The following EPB41L3 variants were observed in gnomAD, a reference collection of about 807,000 sequenced individuals.
The protein encoded by EPB41L3 is erythrocyte membrane protein band 4.1 like 3.
In EPB41L3, 57 loss-of-function variants were observed where a neutral mutation model predicts 127.1. That is an observed-to-expected ratio of 0.45 (90% CI 0.36 to 0.56). The LOEUF (loss-of-function observed/expected upper bound fraction) is 0.56, where lower values mean the gene tolerates loss of function less well. Ranked by LOEUF, EPB41L3 falls within the 20% of genes least tolerant of loss-of-function variation. EPB41L3 has a pLI of 0.00. For synonymous variants in EPB41L3, 572 were observed against 549.5 expected, an observed-to-expected ratio of 1.04 and a Z score of -0.57; for missense variants, 1,273 against 1,372.2, an observed-to-expected ratio of 0.93 and a Z score of 1.14.
intron 8 of EPB41L3, among the ~76,000 whole-genome samples, chr18:5,432,800 C>T: frequency 6.6e-6 from 1 of 152,196 alleles, no homozygotes; most frequent in East Asian, 1.9e-4. Context: ...TTTCATCGAT[C>T]ACCAGTCAAC....
At chr18:5,409,550 G>A (rs1482005202) in intron 14 of EPB41L3, among the ~76,000 whole-genome samples, 1 of 151,952 alleles carries the variant, frequency 6.6e-6, no homozygotes, top group Admixed American at 6.6e-5. Flanking sequence ...TCAAGCTTTG[G>A]ATTGAACTCT....
At chr18:5,624,187 A>G (rs1268565631) in intron 1 of EPB41L3, among the ~76,000 whole-genome samples, 6 of 152,072 alleles carry the variant, frequency 3.9e-5, no homozygotes, top group Non-Finnish European at 7.4e-5. Context: ...TTTTTTGTGG[A>G]GACAACATCT....
intron 3 of EPB41L3, chr18:5,612,221 T>C (rs1323037760): frequency 1.3e-5 from 2 of 152,208 alleles, no homozygotes; most frequent in Non-Finnish European, 2.9e-5. Context: ...CTGCAATTTG[T>C]AATAGAATAA....
In EPB41L3 at chr18:5,441,320, T is replaced by C. The variant is rs903555579; in HGVS notation, c.529+2518A>G. 5.3e-5 allele frequency among the ~76,000 whole-genome samples: 8 copies of C among 152,330 alleles called. 1 individual carries two copies. Among genetic ancestry groups the C allele is most frequent in the Admixed American group, 4.6e-4 (7 of 15,306 alleles). On this transcript the variant is annotated intron_variant, in intron 5 of 22. Coordinates refer to ENST00000341928, the MANE Select transcript of EPB41L3 (RefSeq NM_012307.5). Reference sequence around the variant, plus strand: ...GAAACATCCTTTTATCATTTATATTTTGGAAGTGGAGATGATGGTACAATA... The same window carrying C: ...GAAACATCCTTTTATCATTTATATTCTGGAAGTGGAGATGATGGTACAATA...
chr18:5,511,468 G>A (rs534267271), intron 1 of EPB41L3, among the ~76,000 whole-genome samples: 31 of 138,136 alleles, frequency 2.2e-4, no homozygotes, highest in Admixed American at 3.0e-4. Flanking sequence ...TCAAAACTTG[G>A]GTTCTCCCTT....
rs543161492 is a variant in EPB41L3, at chr18:5,393,255, A to C, written c.*230T>G. On this transcript the variant is annotated 3_prime_UTR_variant, in exon 23 of 23. Coordinates refer to ENST00000341928, the MANE Select transcript of EPB41L3 (RefSeq NM_012307.5). The stretch of plus-strand genomic sequence containing the variant: ...AAAAATGCTGCTCTTTTGTAATTTT[A>C]TCGTTGCTTCATGCATTATCGGTTT... 4 of 427,220 alleles carry C rather than the reference A, an allele frequency of 9.4e-6. No homozygotes were observed. In the South Asian group the frequency reaches 2.9e-4, roughly 31 times the overall value. The allele number at this position is 427,220 out of a possible 1,614,324, so 26.5% of individuals were successfully genotyped here.
chr18:5,467,094 T>C (rs2085131074), intron 3 of EPB41L3, among the ~76,000 whole-genome samples: 1 of 152,244 alleles, frequency 6.6e-6, no homozygotes, highest in African/African-American at 2.4e-5. Context: ...TTTTCCACTT[T>C]AAGCTAGATG....
chr18:5,578,151 A>AT (rs1568600264), intron 3 of EPB41L3, among the ~76,000 whole-genome samples: 1 of 152,064 alleles, frequency 6.6e-6, no homozygotes, highest in South Asian at 2.1e-4. Context: ...AAAAAACAAC[A>AT]TTTTTTTGGT....
At chr18:5,413,517 A>G (rs1026004385) in intron 13 of EPB41L3, among the ~76,000 whole-genome samples, 2 of 152,216 alleles carry the variant, frequency 1.3e-5, no homozygotes, top group Non-Finnish European at 2.9e-5. Context: ...TGGCAAAACG[A>G]AAGTGACAAG....
chr18:5,399,496 A>C, intron 16 of EPB41L3: 1 of 397,672 alleles, frequency 2.5e-6, no homozygotes, highest in Non-Finnish European at 4.4e-6. Flanking sequence ...CTGTGATGGG[A>C]CCATACAGTG....
chr18:5,430,030 C>T (rs1355821258), intron 8 of EPB41L3, among the ~76,000 whole-genome samples: 1 of 152,148 alleles, frequency 6.6e-6, no homozygotes, highest in Admixed American at 6.5e-5. Context: ...GGAAGTGTAC[C>T]TTTAACCTAC....
intron 3 of EPB41L3, among the ~76,000 whole-genome samples, chr18:5,449,947 T>C (rs753502904): frequency 2.0e-5 from 3 of 152,182 alleles, no homozygotes; most frequent in Admixed American, 6.5e-5. Flanking sequence ...AAATATACTG[T>C]AATAAAAGTT....
intron 1 of EPB41L3, among the ~76,000 whole-genome samples, chr18:5,542,321 T>C (rs539939215): frequency 2.6e-5 from 4 of 152,140 alleles, no homozygotes; most frequent in Admixed American, 2.6e-4. Flanking sequence ...TTTTGTTTCC[T>C]TGAGACTTTA....
intron 3 of EPB41L3, among the ~76,000 whole-genome samples, chr18:5,549,450 T>C (rs1407827215): frequency 1.3e-5 from 2 of 152,210 alleles, no homozygotes; most frequent in African/African-American, 4.8e-5. Flanking sequence ...AGATGTTTAT[T>C]AGGGATTTGT....
chr18:5,406,987 G>A lies in EPB41L3; in HGVS notation c.2158-19C>T. On this transcript the variant is annotated intron_variant, in intron 15 of 22. Coordinates refer to ENST00000341928, the MANE Select transcript of EPB41L3 (RefSeq NM_012307.5). ...CTAGCTCCTATATTCAGAACATAAA[G>A]TATCCAACAGTCAATGTTTTACATT... The A allele has an allele frequency of 6.2e-7, 1 of 1,600,222 alleles. No individual in the cohort carries two copies. The highest frequency in any genetic ancestry group is 8.6e-7 in the Non-Finnish European group (1 of 1,167,488).
At chr18:5,411,316 G>C (rs181153448) in intron 13 of EPB41L3, among the ~76,000 whole-genome samples, 1 of 152,156 alleles carries the variant, frequency 6.6e-6, no homozygotes. Flanking sequence ...GTATATTAAA[G>C]TATGTATTTG....
At chr18:5,454,192 T>G (rs1478817941) in intron 3 of EPB41L3, among the ~76,000 whole-genome samples, 2 of 150,370 alleles carry the variant, frequency 1.3e-5, no homozygotes, top group Non-Finnish European at 3.0e-5. Flanking sequence ...GAGAGTGTGT[T>G]TTTTTTTTGT....
At chr18:5,487,744 C>T (rs1203386227) in intron 2 of EPB41L3, among the ~76,000 whole-genome samples, 1 of 149,752 alleles carries the variant, frequency 6.7e-6, no homozygotes, top group Non-Finnish European at 1.5e-5. Flanking sequence ...GGATTACAGG[C>T]ATGAGCCACT....
chr18:5,524,781 C>T (rs1316657829), intron 1 of EPB41L3, among the ~76,000 whole-genome samples: 1 of 152,088 alleles, frequency 6.6e-6, no homozygotes, highest in Non-Finnish European at 1.5e-5. Flanking sequence ...GTGGAGCTAG[C>T]GTGGATCACA....
Sources: gnomAD v4.1 joint callset for allele counts (sites outside exome capture counted in the v4.1 genomes callset) on GRCh38, gnomAD v4.1.1 for gene constraint, MANE v1.5 for transcripts, NCBI Gene and HGNC (gene_info 2026-07-23, HGNC 2026-07-21) for gene names.